CCNB1IP1: variants seen among roughly 807,000 people sequenced by gnomAD.
The protein encoded by CCNB1IP1 is E3 ubiquitin-protein ligase CCNB1IP1.
Under a neutral mutation model 25.6 loss-of-function variants are expected in CCNB1IP1, and 14 were observed. The observed-to-expected ratio is 0.55, with a 90% CI of 0.36 to 0.85. The LOEUF (loss-of-function observed/expected upper bound fraction) is 0.85, where lower values mean the gene tolerates loss of function less well. Ranked by LOEUF, CCNB1IP1 falls within the 40% of genes least tolerant of loss-of-function variation. The probability of loss-of-function intolerance (pLI) is 0.01; values close to 1 mark genes in which losing one functional copy is unlikely to be tolerated. For missense variants in CCNB1IP1, 278 were observed against 342.4 expected, an observed-to-expected ratio of 0.81 and a Z score of 1.48; for synonymous variants, 119 against 116.1, an observed-to-expected ratio of 1.02 and a Z score of -0.16.
In CCNB1IP1 at chr14:20,311,532, C is replaced by T. The variant is rs181714795; in HGVS notation, c.*18G>A. On this transcript the variant is annotated 3_prime_UTR_variant, in exon 7 of 7. Transcript: ENST00000358932. ...TCCTAAGTAGCTGGGATCACAGGTGCGTGACACTATGCGTGGCTCAAATTC... is the reference window on the plus strand; with the variant it reads ...TCCTAAGTAGCTGGGATCACAGGTGTGTGACACTATGCGTGGCTCAAATTC... The T allele has an allele frequency of 5.3e-5, 85 of 1,605,940 alleles. No homozygotes were observed. In the Middle Eastern group the frequency reaches 2.4e-3, roughly 46 times the overall value.
intron 2 of CCNB1IP1, among the ~76,000 whole-genome samples, chr14:20,328,896 A>G (rs1392471511): frequency 6.6e-6 from 1 of 152,232 alleles, no homozygotes; most frequent in African/African-American, 2.4e-5. Flanking sequence ...CTCCATAAAC[A>G]ATCAATGATC....
At chr14:20,320,633 A>T (rs1882861002) in intron 4 of CCNB1IP1, among the ~76,000 whole-genome samples, 1 of 151,550 alleles carries the variant, frequency 6.6e-6, no homozygotes, top group African/African-American at 2.4e-5. Flanking sequence ...ATCAAACCCC[A>T]TCTCTACAAA....
chr14:20,315,090 CAAA>C (rs546805664), intron 5 of CCNB1IP1, among the ~76,000 whole-genome samples: 2 of 24,336 alleles, frequency 8.2e-5, no homozygotes, highest in African/African-American at 1.9e-4. Flanking sequence ...GACTCCGTCT[CAAA>C]AAAAAAAAAA....
chr14:20,313,903 G>A, intron 5 of CCNB1IP1, 102 bp from the exon 6 acceptor site: 1 of 842,000 alleles, frequency 1.2e-6, no homozygotes, highest in East Asian at 2.7e-5. Context: ...CTTATATAGG[G>A]ATGTTATTTT....
At chr14:20,317,508 G>A (rs1288408429) in intron 4 of CCNB1IP1, 2 of 152,278 alleles carry the variant, frequency 1.3e-5, no homozygotes, top group Non-Finnish European at 2.9e-5. Context: ...TATGTCACCT[G>A]GCAGCCACAG....
intron 6 of CCNB1IP1, among the ~76,000 whole-genome samples, chr14:20,312,106 GA>G (rs1882510380): frequency 6.6e-6 from 1 of 152,020 alleles, no homozygotes; most frequent in South Asian, 2.1e-4. Context: ...ATAACTAAAG[GA>G]AAATGCTGAC....
chr14:20,316,765 G>A (rs1268760378), intron 4 of CCNB1IP1, among the ~76,000 whole-genome samples: 1 of 152,072 alleles, frequency 6.6e-6, no homozygotes, highest in Non-Finnish European at 1.5e-5. Flanking sequence ...ACGCTTTAAG[G>A]ACAAAGGTAA....
intron 4 of CCNB1IP1, 24 bp from the exon 5 acceptor site, chr14:20,316,584 C>T (rs1882705832): frequency 1.5e-6 from 2 of 1,360,450 alleles, no homozygotes; most frequent in African/African-American, 1.4e-5. Flanking sequence ...AATAAAAAGG[C>T]CAAGTAAGTT....
At chr14:20,326,236 T>C (rs898990965) in intron 3 of CCNB1IP1, among the ~76,000 whole-genome samples, 2 of 152,226 alleles carry the variant, frequency 1.3e-5, no homozygotes, top group African/African-American at 4.8e-5. Flanking sequence ...CTGTAGTGTT[T>C]GAACTTTTAG....
At chr14:20,324,201 T>C (rs1449149952) in intron 4 of CCNB1IP1, among the ~76,000 whole-genome samples, 2 of 152,186 alleles carry the variant, frequency 1.3e-5, no homozygotes, top group Non-Finnish European at 2.9e-5. Context: ...TCCTCTTTTT[T>C]TCTGAGACGA....
intron 4 of CCNB1IP1, among the ~76,000 whole-genome samples, chr14:20,320,091 A>T (rs1043709233): frequency 3.3e-5 from 5 of 152,218 alleles, no homozygotes; most frequent in African/African-American, 1.2e-4. Flanking sequence ...TTCTTGATTT[A>T]TATGGAGTCA....
intron 4 of CCNB1IP1, among the ~76,000 whole-genome samples, 198 bp from the exon 5 acceptor site, chr14:20,316,758 C>T (rs1188614062): frequency 6.6e-6 from 1 of 152,124 alleles, no homozygotes; most frequent in Non-Finnish European, 1.5e-5. Flanking sequence ...TCTAAAAACG[C>T]TTTAAGGACA....
chr14:20,328,330 A>T (rs1012972489), intron 2 of CCNB1IP1, among the ~76,000 whole-genome samples: 1 of 152,242 alleles, frequency 6.6e-6, no homozygotes, highest in Admixed American at 6.5e-5. Flanking sequence ...TAATGCAGTG[A>T]CATGCTAGCT....
chr14:20,328,860 C>T (rs1883156033), intron 2 of CCNB1IP1, among the ~76,000 whole-genome samples: 1 of 152,160 alleles, frequency 6.6e-6, no homozygotes, highest in Non-Finnish European at 1.5e-5. Flanking sequence ...AAGGACATTT[C>T]GTATTTACTA....
At chr14:20,317,785 G>A (rs1403507320) in intron 4 of CCNB1IP1, 1 of 152,252 alleles carries the variant, frequency 6.6e-6, no homozygotes, top group Non-Finnish European at 1.5e-5. Context: ...AGTAACAAAT[G>A]ATACTTAATC....
intron 5 of CCNB1IP1, among the ~76,000 whole-genome samples, chr14:20,315,047 C>A (rs199974737): frequency 7.2e-6 from 1 of 138,304 alleles, no homozygotes; most frequent in African/African-American, 2.7e-5. Flanking sequence ...GCTGAGATCG[C>A]GCCACTGCAC....
intron 3 of CCNB1IP1, chr14:20,326,465 T>C (rs1424016375): frequency 1.9e-6 from 1 of 534,750 alleles, no homozygotes; most frequent in Non-Finnish European, 3.8e-6. Context: ...GCTCAGAGCA[T>C]GTGTTTAATC....
intron 5 of CCNB1IP1, among the ~76,000 whole-genome samples, chr14:20,314,900 G>C (rs1227120926): frequency 6.6e-6 from 1 of 150,970 alleles, no homozygotes; most frequent in Non-Finnish European, 1.5e-5. Context: ...GACCATCCTG[G>C]CTAACACGGT....
At chr14:20,319,875 C>G (rs1253361150) in intron 4 of CCNB1IP1, among the ~76,000 whole-genome samples, 1 of 152,130 alleles carries the variant, frequency 6.6e-6, no homozygotes, top group Non-Finnish European at 1.5e-5. Context: ...ATAGAAGAGC[C>G]CAATGCTATA....
Sources: allele counts gnomAD v4.1 joint callset (sites outside exome capture counted in the v4.1 genomes callset), GRCh38; gene constraint gnomAD v4.1.1; transcripts MANE v1.5; gene names NCBI Gene and HGNC (gene_info 2026-07-23, HGNC 2026-07-21).